The following TDRKH variants were observed in gnomAD, a reference collection of about 807,000 sequenced individuals.
The protein encoded by TDRKH is tudor and KH domain-containing protein.
TDRKH carries 28 observed loss-of-function variants against 61.3 expected under a neutral mutation model. That is an observed-to-expected ratio of 0.46 (90% confidence interval 0.34 to 0.63). The LOEUF (loss-of-function observed/expected upper bound fraction) is 0.63. TDRKH is among the 20% of genes least tolerant of loss of function. The pLI, the probability that TDRKH is intolerant of heterozygous loss-of-function variation, is 0.01. For synonymous variants in TDRKH, 219 were observed against 244.4 expected (o/e 0.90, Z 0.97); for missense variants, 540 against 683.4 (o/e 0.79, Z 2.34).
At chr1:151,771,831 G>C (rs1399996859), downstream of TDRKH, 2 of 397,980 alleles carry the variant, frequency 5.0e-6, no homozygotes, top group Non-Finnish European at 8.9e-6. Context: ...GTAACAAACT[G>C]CAGGTAAGAA....
rs566463340 is a variant in TDRKH, at chr1:151,773,984, C to T, written c.*468G>A. ...TCATGACTGGTAGAGGGGACTGAGCCTGACGTTGAACGGCCTGGAAGTAAC... is the reference window on the plus strand; with the variant it reads ...TCATGACTGGTAGAGGGGACTGAGCTTGACGTTGAACGGCCTGGAAGTAAC... On this transcript the variant is annotated 3_prime_UTR_variant, in exon 13 of 13. Transcript: ENST00000368824. 6.3e-6 allele frequency: 1 copy of T among 158,726 alleles called. No individual in the cohort carries two copies. Among genetic ancestry groups the T allele is most frequent in the South Asian group, 1.9e-4 (1 of 5,312 alleles). The allele number at this position is 158,726 out of a possible 1,614,324, so 9.8% of individuals were successfully genotyped here. A position where few individuals can be genotyped will look rare whatever the true frequency, so the allele number is the denominator to read the frequency against.
chr1:151,783,245 T>C (rs1006783388), intron 1 of TDRKH, 196 bp from the exon 2 acceptor site: 1 of 316,630 alleles, frequency 3.2e-6, no homozygotes, highest in East Asian at 6.3e-5. Context: ...AAGGTACACA[T>C]AGAATTAAAT....
intron 1 of TDRKH, among the ~76,000 whole-genome samples, chr1:151,784,492 A>G (rs1650134625): frequency 6.6e-6 from 1 of 152,218 alleles, no homozygotes; most frequent in Non-Finnish European, 1.5e-5. Flanking sequence ...TGCTCAATCC[A>G]AAGATCGATT....
downstream of TDRKH, chr1:151,771,889 TA>T (rs768526498): frequency 2.5e-6 from 1 of 398,648 alleles, no homozygotes; most frequent in Non-Finnish European, 4.4e-6. Flanking sequence ...GAATGATTTA[TA>T]TCAGGGAACC....
At position 151,778,948 on chromosome 1, in the gene TDRKH, G is replaced by A; in HGVS notation, c.620C>T (p.Ser207Phe). The change falls in exon 6 of 13, where the codon TCT (serine) becomes TTT (phenylalanine). Residue 207 changes from serine (S) to phenylalanine (F), a missense_variant. Physicochemically the swap from Ser to Phe is radical, Grantham distance 155. Transcript: ENST00000368824. ...TTTGCGTGGGACCCTGGTTTCTGCA[G>A]AATGAGCAATTCTCTTCCGAAGTTC... is the stretch of plus-strand genomic sequence containing the variant. ...DEELRKRIAH[S>F]AETRVPRKQP... is the part of the protein sequence containing the mutation. 1 of 1,614,218 alleles carries A rather than the reference G, an allele frequency of 6.2e-7. No homozygotes were observed. Among genetic ancestry groups the A allele is most frequent in the Non-Finnish European group, 8.5e-7 (1 of 1,180,040 alleles).
At chr1:151,776,413 C>T in intron 7 of TDRKH, 26 bp downstream of exon 7, 1 of 1,612,068 alleles carries the variant, frequency 6.2e-7, no homozygotes. Context: ...TCATTAAACC[C>T]CAGCCCTGTC....
intron 3 of TDRKH, among the ~76,000 whole-genome samples, 157 bp downstream of exon 3, chr1:151,781,324 A>ATATATATATATATATATATATATAT (rs1558145922): frequency 2.3e-3 from 44 of 18,818 alleles, no homozygotes; most frequent in African/African-American, 3.6e-3. Context: ...TCTCAAAAAA[A>ATATATATATATATATATATATATAT]AAAAATATAT....
chr1:151,770,519 G>C (rs1446414716), downstream of TDRKH: 1 of 415,194 alleles, frequency 2.4e-6, no homozygotes, highest in Admixed American at 4.3e-5. Flanking sequence ...CCATTCAAGG[G>C]ATGTGGCCAG....
chr1:151,769,943 GC>G (rs35221320), downstream of TDRKH, among the ~76,000 whole-genome samples: 48,904 of 152,026 alleles, frequency 0.32, 8,208 homozygotes, highest in Middle Eastern at 0.45. Context: ...ATGGCGGCAC[GC>G]GCCTGCAATC....
At chr1:151,766,833 T>G, downstream of TDRKH, 5 of 1,611,706 alleles carry the variant, frequency 3.1e-6, no homozygotes, top group South Asian at 5.5e-5. Context: ...TTACCTTTAC[T>G]GTTACAAGTA....
intron 2 of TDRKH, chr1:151,782,049 G>A (rs1242702621): frequency 4.5e-6 from 2 of 446,546 alleles, no homozygotes; most frequent in Non-Finnish European, 8.9e-6. Flanking sequence ...ATATAAAAAA[G>A]ATGAGTATAG....
intron 1 of TDRKH, among the ~76,000 whole-genome samples, chr1:151,787,312 G>A (rs1000731765): frequency 9.9e-5 from 15 of 152,212 alleles, no homozygotes; most frequent in Admixed American, 1.3e-4. Flanking sequence ...TCTGCCTCCC[G>A]GGTTCAAGCG....
At chr1:151,779,514 C>T (rs1381450223) in intron 4 of TDRKH, among the ~76,000 whole-genome samples, 1 of 152,182 alleles carries the variant, frequency 6.6e-6, no homozygotes, top group Admixed American at 6.5e-5. Flanking sequence ...ATGGCCATAT[C>T]AGGTCACAAG....
intron 3 of TDRKH, 84 bp from the exon 4 acceptor site, chr1:151,780,224 G>A: frequency 7.0e-7 from 1 of 1,427,094 alleles, no homozygotes; most frequent in Non-Finnish European, 9.5e-7. Context: ...ACAAACCCTG[G>A]AGGTAGATAG....
downstream of TDRKH, chr1:151,771,116 T>G (rs1292069837): frequency 6.2e-7 from 1 of 1,608,630 alleles, no homozygotes; most frequent in East Asian, 2.2e-5. Flanking sequence ...GGCTTTGAGG[T>G]GGTCAGACCA....
chr1:151,774,686 C>T (rs1328986475), intron 12 of TDRKH, 24 bp downstream of exon 12: 4 of 1,611,878 alleles, frequency 2.5e-6, no homozygotes, highest in Non-Finnish European at 2.5e-6. Context: ...CAAAGATGCT[C>T]TAGGGAGGAA....
At chr1:151,779,805 C>T in intron 4 of TDRKH, 146 bp downstream of exon 4, 1 of 779,370 alleles carries the variant, frequency 1.3e-6, no homozygotes, top group South Asian at 2.5e-5. Context: ...ACCAGTTCTA[C>T]AAACAGTAAA....
chr1:151,769,442 G>A (rs560575871), downstream of TDRKH: 188 of 160,948 alleles, frequency 1.2e-3, no homozygotes, highest in African/African-American at 4.2e-3. Context: ...CAGGGCGGAC[G>A]GGCAGAGATG....
At chr1:151,773,232 CAG>C (rs1049527676), downstream of TDRKH, among the ~76,000 whole-genome samples, 2 of 152,034 alleles carry the variant, frequency 1.3e-5, no homozygotes, top group African/African-American at 4.8e-5. Flanking sequence ...TTAGTAGAGA[CAG>C]GGTTTCACCA....
Sources: gnomAD v4.1 joint callset for allele counts (sites outside exome capture counted in the v4.1 genomes callset) on GRCh38, gnomAD v4.1.1 for gene constraint, MANE v1.5 for transcripts, NCBI Gene and HGNC (gene_info 2026-07-23, HGNC 2026-07-21) for gene names.